SKAP2: variants seen among roughly 807,000 people sequenced by gnomAD.
The protein encoded by SKAP2 is src kinase-associated phosphoprotein 2.
A neutral mutation model predicts 54.9 loss-of-function variants in SKAP2; 28 were observed. That is an observed-to-expected ratio of 0.51 (90% confidence interval 0.38 to 0.70). The LOEUF is 0.70. Ranked by LOEUF, SKAP2 falls within the 30% of genes least tolerant of loss-of-function variation. The pLI is 0.00. For synonymous variants in SKAP2, 137 were observed against 134.3 expected, an observed-to-expected ratio of 1.02 and a Z score of -0.14; for missense variants, 356 against 424.1, an observed-to-expected ratio of 0.84 and a Z score of 1.41.
chr7:26,793,456 T>C, intron 4 of SKAP2, among the ~76,000 whole-genome samples: 1 of 152,218 alleles, frequency 6.6e-6, no homozygotes, highest in Non-Finnish European at 1.5e-5. Context: ...AATTGTACAG[T>C]AGATTAAACC....
intron 4 of SKAP2, among the ~76,000 whole-genome samples, chr7:26,774,977 T>C (rs1783272163): frequency 6.6e-6 from 1 of 152,198 alleles, no homozygotes; most frequent in African/African-American, 2.4e-5. Context: ...ATTCTTATTC[T>C]AAAGGGATCT....
At chr7:26,725,774 A>G (rs1787693362) in intron 8 of SKAP2, 149 bp downstream of exon 8, 2 of 800,728 alleles carry the variant, frequency 2.5e-6, no homozygotes, top group Non-Finnish European at 2.0e-6. Context: ...GCTGTTTAAA[A>G]TCTGAAGTGA....
chr7:26,850,616 A>G (rs1785020698), intron 3 of SKAP2, among the ~76,000 whole-genome samples: 1 of 151,986 alleles, frequency 6.6e-6, no homozygotes, highest in Admixed American at 6.5e-5. Context: ...GGAAAAAGAA[A>G]AGAAAAAAAG....
intron 3 of SKAP2, among the ~76,000 whole-genome samples, chr7:26,847,837 G>A (rs1396481532): frequency 6.6e-6 from 1 of 152,164 alleles, no homozygotes; most frequent in Non-Finnish European, 1.5e-5. Context: ...AGACATGAAT[G>A]TGTCCCTGTT....
At chr7:26,708,166 G>A (rs1787209750) in intron 9 of SKAP2, among the ~76,000 whole-genome samples, 1 of 152,180 alleles carries the variant, frequency 6.6e-6, no homozygotes, top group Non-Finnish European at 1.5e-5. Flanking sequence ...CCAAGGCAAT[G>A]TGAATTGTTA....
At chr7:26,857,312 A>AAAAAAAAAAAAAAAAAAAAAAAAG in intron 1 of SKAP2, 1 of 58,610 alleles carries the variant, frequency 1.7e-5, no homozygotes, top group Non-Finnish European at 3.6e-5. Flanking sequence ...GCTTTGCTTA[A>AAAAAAAAAAAAAAAAAAAAAAAAG]AAAAAAAAAA....
intron 4 of SKAP2, among the ~76,000 whole-genome samples, chr7:26,819,354 A>T (rs532844719): frequency 7.1e-4 from 108 of 152,186 alleles, no homozygotes; most frequent in African/African-American, 2.6e-3. Flanking sequence ...ACTCATAAGT[A>T]GGAGTTGAAC....
chr7:26,853,825 C>T (rs1584428428), intron 3 of SKAP2, among the ~76,000 whole-genome samples: 2 of 152,222 alleles, frequency 1.3e-5, no homozygotes, highest in South Asian at 4.1e-4. Flanking sequence ...CAAGTTATTC[C>T]ACGTGTAATT....
chr7:26,774,923 A>C (rs2127976278), intron 4 of SKAP2, among the ~76,000 whole-genome samples: 1 of 152,298 alleles, frequency 6.6e-6, no homozygotes, highest in East Asian at 1.9e-4. Context: ...TGGTAGGTAA[A>C]TGGTATCACA....
chr7:26,857,310 TAAAAAAAAAAA>T (rs59046895), intron 1 of SKAP2: 5 of 91,220 alleles, frequency 5.5e-5, no homozygotes, highest in African/African-American at 9.6e-5. Flanking sequence ...CTGCTTTGCT[TAAAAAAAAAAA>T]AAAAAAAAAA....
chr7:26,685,542 G>A (rs1337015259), intron 10 of SKAP2, among the ~76,000 whole-genome samples: 4 of 152,118 alleles, frequency 2.6e-5, no homozygotes, highest in Admixed American at 1.3e-4. Flanking sequence ...CCCCGGTTTA[G>A]GACATTAGGC....
intron 4 of SKAP2, among the ~76,000 whole-genome samples, chr7:26,799,421 G>A (rs940694822): frequency 1.3e-5 from 2 of 152,088 alleles, no homozygotes; most frequent in African/African-American, 4.8e-5. Flanking sequence ...GCTATACTTA[G>A]ACAAAATAGA....
At chr7:26,730,382 G>T (rs1203268866) in intron 6 of SKAP2, among the ~76,000 whole-genome samples, 1 of 152,152 alleles carries the variant, frequency 6.6e-6, no homozygotes, top group Non-Finnish European at 1.5e-5. Context: ...TTATCTAGGT[G>T]AACTTCACAA....
chr7:26,856,661 T>C (rs1785170036), intron 1 of SKAP2, among the ~76,000 whole-genome samples: 2 of 152,258 alleles, frequency 1.3e-5, no homozygotes, highest in South Asian at 4.1e-4. Context: ...CCTGAGATCA[T>C]TACAGTAACT....
At chr7:26,766,732 G>A (rs558106759) in intron 4 of SKAP2, among the ~76,000 whole-genome samples, 18 of 152,242 alleles carry the variant, frequency 1.2e-4, no homozygotes, top group African/African-American at 3.9e-4. Flanking sequence ...TAATCATGTG[G>A]TTTTTGTCAT....
chr7:26,780,523 G>C (rs1783404513), intron 4 of SKAP2, among the ~76,000 whole-genome samples: 1 of 152,030 alleles, frequency 6.6e-6, no homozygotes, highest in African/African-American at 2.4e-5. Context: ...TAATGAATGA[G>C]CATGATTGTG....
chr7:26,800,629 T>C (rs140619051), intron 4 of SKAP2, among the ~76,000 whole-genome samples: 2 of 151,226 alleles, frequency 1.3e-5, no homozygotes, highest in African/African-American at 4.9e-5. Flanking sequence ...AAAGAGAAGA[T>C]CCAAATAAAT....
At chr7:26,786,127 G>C (rs761029382) in intron 4 of SKAP2, among the ~76,000 whole-genome samples, 2 of 152,142 alleles carry the variant, frequency 1.3e-5, no homozygotes, top group Non-Finnish European at 2.9e-5. Context: ...TGGGTCTAAG[G>C]GCTGTACCGG....
At chr7:26,722,934 T>C (rs1198613255) in intron 9 of SKAP2, among the ~76,000 whole-genome samples, 1 of 152,226 alleles carries the variant, frequency 6.6e-6, no homozygotes, top group African/African-American at 2.4e-5. Context: ...CAATGCATAA[T>C]TGACAGAAAA....
Sources: gnomAD v4.1 joint callset for allele counts (sites outside exome capture counted in the v4.1 genomes callset) on GRCh38, gnomAD v4.1.1 for gene constraint, MANE v1.5 for transcripts, NCBI Gene and HGNC (gene_info 2026-07-23, HGNC 2026-07-21) for gene names.